Variants in USP13 observed in about 807,000 individuals in gnomAD.
USP13 encodes ubiquitin specific peptidase 13, also known as ubiquitin carboxyl-terminal hydrolase 13.
USP13 carries 68 observed loss-of-function variants against 107.8 expected under a neutral mutation model. The observed-to-expected ratio is 0.63, with a 90% CI of 0.52 to 0.77. The LOEUF (loss-of-function observed/expected upper bound fraction) is 0.77, where lower values mean the gene tolerates loss of function less well. USP13 is among the 30% of genes least tolerant of loss of function. USP13 has a pLI of 0.00. For missense variants in USP13, 945 were observed against 1,093.3 expected (o/e 0.86, Z 1.91); for synonymous variants, 377 against 389.5 (o/e 0.97, Z 0.38).
intron 3 of USP13, among the ~76,000 whole-genome samples, chr3:179,691,736 C>A (rs951425268): frequency 1.3e-5 from 2 of 152,152 alleles, no homozygotes; most frequent in Non-Finnish European, 2.9e-5. Flanking sequence ...GTGGACCTTG[C>A]CTGCAATAAT....
chr3:179,786,987 A>G lies in USP13; in HGVS notation c.*2846A>G, dbSNP rs1715930810. On this transcript the variant is annotated 3_prime_UTR_variant, in exon 21 of 21. Coordinates refer to ENST00000263966, the MANE Select transcript of USP13 (RefSeq NM_003940.3). Reference sequence around the variant, plus strand: ...AATTGATCTAAATGCCCATATAACTAATCAGAAATCCAGTTTGGTTCAGAT... The same window carrying G: ...AATTGATCTAAATGCCCATATAACTGATCAGAAATCCAGTTTGGTTCAGAT... 2 of 152,352 alleles carry G rather than the reference A, an allele frequency of 1.3e-5. No homozygotes were observed. Among genetic ancestry groups the G allele is most frequent in the African/African-American group, 4.8e-5 (2 of 41,596 alleles). 9.4% of individuals were successfully genotyped at this position (152,352 alleles called of 1,614,324 possible).
intron 6 of USP13, among the ~76,000 whole-genome samples, chr3:179,719,043 C>A (rs1322456078): frequency 6.6e-6 from 1 of 152,174 alleles, no homozygotes; most frequent in Non-Finnish European, 1.5e-5. Context: ...CTAATGAGCT[C>A]CCAGGTGAAG....
intron 1 of USP13, among the ~76,000 whole-genome samples, chr3:179,667,911 G>A (rs1489011401): frequency 2.6e-5 from 4 of 152,206 alleles, no homozygotes; most frequent in Admixed American, 2.6e-4. Flanking sequence ...GCCTGCCGAA[G>A]TGCTGGGATT....
At chr3:179,655,557 G>T (rs6763289) in intron 1 of USP13, among the ~76,000 whole-genome samples, 48,464 of 79,386 alleles carry the variant, frequency 0.61, 11,780 homozygotes, top group African/African-American at 0.76. Context: ...GGTTTTTTTT[G>T]TTTTGTTTTG....
rs775579714 is a variant in USP13 at position 179,761,279 on chromosome 3, G to T, written c.2092+24G>T. The T allele has an allele frequency of 6.8e-6, 11 of 1,613,634 alleles. No individual in the cohort carries two copies. The South Asian group carries it at 1.1e-4, about 16-fold the overall frequency. On this transcript the variant is annotated intron_variant, in intron 17 of 20. Coordinates refer to ENST00000263966, the MANE Select transcript of USP13 (RefSeq NM_003940.3). ...AGGTAGGTGGCGAGAAAATGGAATGGCTTTGGAGTCTGATGTGACCCTCAG... is the reference window on the plus strand; with the variant it reads ...AGGTAGGTGGCGAGAAAATGGAATGTCTTTGGAGTCTGATGTGACCCTCAG...
chr3:179,714,779 T>C (rs924811836), intron 6 of USP13, among the ~76,000 whole-genome samples: 2 of 152,216 alleles, frequency 1.3e-5, no homozygotes, highest in African/African-American at 4.8e-5. Flanking sequence ...TTTTCTACTT[T>C]ACTGACATCT....
rs369204855 is a variant in USP13, at chr3:179,681,895, C to G, written c.186C>G (p.Leu62=). 1.2e-6 allele frequency: 2 copies of G among 1,613,126 alleles called. No homozygotes were observed. ...SYDSPNSEGG[L]YVCMNTFLAF... ...TCTTCTAGAATTCTGAAGGTGGACTCTATGTATGCATGAATACATTTTTGG... is the reference window on the plus strand; with the variant it reads ...TCTTCTAGAATTCTGAAGGTGGACTGTATGTATGCATGAATACATTTTTGG... Residue 62 remains leucine (L), a synonymous_variant, in exon 2 of 21, where the codon CTC becomes CTG. Transcript: ENST00000263966.
chr3:179,780,096 G>A (rs1212952208), intron 19 of USP13, among the ~76,000 whole-genome samples: 1 of 152,206 alleles, frequency 6.6e-6, no homozygotes, highest in Non-Finnish European at 1.5e-5. Flanking sequence ...GTGATAAAAT[G>A]TATCTACAAA....
At chr3:179,657,738 T>TG (rs1160248950) in intron 1 of USP13, among the ~76,000 whole-genome samples, 2 of 117,440 alleles carry the variant, frequency 1.7e-5, no homozygotes, top group Non-Finnish European at 3.2e-5. Context: ...CACTCCAGCC[T>TG]GGTGACAGAG....
intron 16 of USP13, among the ~76,000 whole-genome samples, chr3:179,758,124 C>T (rs1714870395): frequency 6.6e-6 from 1 of 152,058 alleles, no homozygotes; most frequent in Admixed American, 6.6e-5. Flanking sequence ...AAGGGCAAAG[C>T]AGGTGACATT....
chr3:179,737,009 T>G (rs957184949), intron 10 of USP13, among the ~76,000 whole-genome samples: 1 of 152,236 alleles, frequency 6.6e-6, no homozygotes, highest in Non-Finnish European at 1.5e-5. Flanking sequence ...AGGGATTTAT[T>G]CCAAGTGGTG....
chr3:179,764,965 G>T (rs1393136917), intron 18 of USP13, among the ~76,000 whole-genome samples: 1 of 152,136 alleles, frequency 6.6e-6, no homozygotes, highest in African/African-American at 2.4e-5. Flanking sequence ...ATCTCAACCA[G>T]AGTTTGTTTT....
chr3:179,693,599 C>T (rs1453643562), intron 3 of USP13, among the ~76,000 whole-genome samples: 1 of 152,166 alleles, frequency 6.6e-6, no homozygotes, highest in East Asian at 1.9e-4. Context: ...AAATTAATTT[C>T]AGTGATGGGC....
chr3:179,690,565 T>A (rs889857753), intron 3 of USP13, among the ~76,000 whole-genome samples: 1 of 152,148 alleles, frequency 6.6e-6, no homozygotes, highest in Non-Finnish European at 1.5e-5. Context: ...CAGTTCTGTT[T>A]ATTGCTTACT....
chr3:179,730,007 A>G (rs374556851), intron 8 of USP13, among the ~76,000 whole-genome samples, 182 bp from the exon 9 acceptor site: 5 of 152,358 alleles, frequency 3.3e-5, no homozygotes, highest in Admixed American at 1.3e-4. Context: ...TGATAGAAGC[A>G]TAAACGTTTC....
chr3:179,757,621 A>G (rs1647367649), intron 16 of USP13, among the ~76,000 whole-genome samples: 1 of 152,248 alleles, frequency 6.6e-6, no homozygotes, highest in Non-Finnish European at 1.5e-5. Flanking sequence ...GAACATAAAA[A>G]ATAAACGATA....
chr3:179,667,536 A>G (rs974634037), intron 1 of USP13, among the ~76,000 whole-genome samples: 2 of 152,170 alleles, frequency 1.3e-5, no homozygotes, highest in Non-Finnish European at 2.9e-5. Context: ...GATGGTTTCC[A>G]TGTTCCCCAT....
intron 20 of USP13, 82 bp downstream of exon 20, chr3:179,781,905 T>C (rs1417045089): frequency 1.6e-6 from 2 of 1,222,640 alleles, no homozygotes; most frequent in Non-Finnish European, 2.4e-6. Context: ...AGGTACATTG[T>C]ATGTTATCTT....
chr3:179,683,808 T>C (rs1711760904), intron 2 of USP13, among the ~76,000 whole-genome samples: 1 of 152,250 alleles, frequency 6.6e-6, no homozygotes, highest in Non-Finnish European at 1.5e-5. Flanking sequence ...TGAACGTGAC[T>C]GTTTTAACAT....
Sources: gnomAD v4.1 joint callset for allele counts (sites outside exome capture counted in the v4.1 genomes callset) on GRCh38, gnomAD v4.1.1 for gene constraint, MANE v1.5 for transcripts, NCBI Gene and HGNC (gene_info 2026-07-23, HGNC 2026-07-21) for gene names.